Variants in GNG2 observed in about 807,000 individuals in gnomAD.
GNG2 encodes guanine nucleotide-binding protein G(I)/G(S)/G(O) subunit gamma-2.
A neutral mutation model predicts 5.5 loss-of-function variants in GNG2; 5 were observed. The ratio of observed to expected loss-of-function variants is 0.91; its 90% CI spans 0.48 to 1.92. The LOEUF is 1.92. GNG2 is among the 30% of genes most tolerant of loss of function. The probability of loss-of-function intolerance (pLI) is 0.01; values close to 1 mark genes in which losing one functional copy is unlikely to be tolerated. For missense variants in GNG2, 55 were observed against 88.4 expected (o/e 0.62, Z 1.52); for synonymous variants, 28 against 32.0 (o/e 0.88, Z 0.42).
chr14:51,859,719 T>G (rs1387235839), upstream of GNG2, among the ~76,000 whole-genome samples: 1 of 152,158 alleles, frequency 6.6e-6, no homozygotes, highest in East Asian at 1.9e-4. Flanking sequence ...AGAGACAGCT[T>G]GCAGGCTCTA....
At chr14:51,960,273 C>A (rs1259411846) in intron 3 of GNG2, among the ~76,000 whole-genome samples, 1 of 151,906 alleles carries the variant, frequency 6.6e-6, no homozygotes, top group Non-Finnish European at 1.5e-5. Flanking sequence ...GGCTAATCTG[C>A]TAATTTTATT....
At chr14:51,936,050 G>A (rs1440395031) in intron 2 of GNG2, among the ~76,000 whole-genome samples, 1 of 152,126 alleles carries the variant, frequency 6.6e-6, no homozygotes, top group Non-Finnish European at 1.5e-5. Context: ...CCATCCTGGA[G>A]AGTCCTTCCT....
At chr14:51,872,658 G>T (rs1432839681) in intron 1 of GNG2, among the ~76,000 whole-genome samples, 1 of 152,292 alleles carries the variant, frequency 6.6e-6, no homozygotes, top group Non-Finnish European at 1.5e-5. Context: ...CATGGCCTTT[G>T]CCTCCCATGA....
intron 2 of GNG2, among the ~76,000 whole-genome samples, chr14:51,887,674 T>A (rs375747599): frequency 8.3e-4 from 126 of 152,288 alleles, no homozygotes; most frequent in Admixed American, 1.6e-3. Flanking sequence ...GAGCTGGGGC[T>A]GTGGGGTTAA....
chr14:51,958,447 C>CA (rs1042604506), intron 3 of GNG2, among the ~76,000 whole-genome samples: 3 of 145,588 alleles, frequency 2.1e-5, no homozygotes, highest in East Asian at 4.4e-4. Flanking sequence ...GTTCCCCCCC[C>CA]CCATTTATAT....
intron 2 of GNG2, among the ~76,000 whole-genome samples, chr14:51,839,163 A>G (rs1056597656): frequency 2.0e-5 from 3 of 152,224 alleles, no homozygotes; most frequent in Non-Finnish European, 4.4e-5. Flanking sequence ...ACACAGCCTG[A>G]GAAGGCCCTG....
At chr14:51,893,792 T>C (rs1885010812) in intron 2 of GNG2, among the ~76,000 whole-genome samples, 1 of 152,140 alleles carries the variant, frequency 6.6e-6, no homozygotes, top group Admixed American at 6.5e-5. Context: ...GCTATAAATA[T>C]GTTCCTCCAA....
At chr14:51,887,019 C>G (rs1884505520) in intron 2 of GNG2, among the ~76,000 whole-genome samples, 2 of 152,288 alleles carry the variant, frequency 1.3e-5, no homozygotes, top group South Asian at 2.1e-4. Context: ...TTTAAACCAG[C>G]TTTCACATTT....
At chr14:51,908,877 C>A (rs1027311376) in intron 2 of GNG2, among the ~76,000 whole-genome samples, 1 of 151,746 alleles carries the variant, frequency 6.6e-6, no homozygotes, top group African/African-American at 2.4e-5. Context: ...CCGCACCCAG[C>A]CTAAAGACAA....
chr14:51,944,234 G>A (rs1888512721), intron 2 of GNG2, among the ~76,000 whole-genome samples: 1 of 152,082 alleles, frequency 6.6e-6, no homozygotes, highest in Admixed American at 6.5e-5. Flanking sequence ...CAATTGACAA[G>A]GTGGCTTAAA....
At chr14:51,873,093 T>C (rs1413950707) in intron 1 of GNG2, among the ~76,000 whole-genome samples, 2 of 152,236 alleles carry the variant, frequency 1.3e-5, no homozygotes, top group Non-Finnish European at 1.5e-5. Flanking sequence ...GAAGTTTAAA[T>C]TGATTAATCT....
intron 2 of GNG2, among the ~76,000 whole-genome samples, chr14:51,834,685 G>A (rs1881286111): frequency 6.6e-6 from 1 of 152,190 alleles, no homozygotes; most frequent in Admixed American, 6.5e-5. Flanking sequence ...CTTTCCATGA[G>A]TAAGAAGGAA....
chr14:51,900,878 G>A (rs1193979629), intron 2 of GNG2, among the ~76,000 whole-genome samples: 1 of 152,098 alleles, frequency 6.6e-6, no homozygotes, highest in Non-Finnish European at 1.5e-5. Flanking sequence ...GCTTTCATCA[G>A]CTGACTTTGG....
Position 51,969,208 on chromosome 14 carries a change from G to T in GNG2, c.*2521G>T, listed in dbSNP as rs556793799. The stretch of plus-strand genomic sequence containing the variant: ...CCTAGTTTCTACATATAATATATTC[G>T]ATAGAAATGAAAATCTGCCGTGGAA... On this transcript the variant is annotated 3_prime_UTR_variant, in exon 4 of 4. Transcript: ENST00000556766. 1.3e-5 allele frequency: 2 copies of T among 152,140 alleles called. No individual in the cohort carries two copies. The highest frequency in any genetic ancestry group is 4.8e-5 in the African/African-American group (2 of 41,514). 9.4% of individuals were successfully genotyped at this position (152,140 alleles called of 1,614,324 possible).
chr14:51,858,478 C>T (rs959374284), upstream of GNG2, among the ~76,000 whole-genome samples: 2 of 152,118 alleles, frequency 1.3e-5, no homozygotes, highest in African/African-American at 4.8e-5. Flanking sequence ...CCTATATAGG[C>T]TTAAGTATAA....
chr14:51,926,346 C>G (rs1887318006), intron 2 of GNG2, among the ~76,000 whole-genome samples: 1 of 152,200 alleles, frequency 6.6e-6, no homozygotes, highest in Non-Finnish European at 1.5e-5. Flanking sequence ...AATATTCCAT[C>G]TCTTCCCTTC....
At chr14:51,879,914 A>G (rs1883929646) in intron 2 of GNG2, among the ~76,000 whole-genome samples, 2 of 152,186 alleles carry the variant, frequency 1.3e-5, no homozygotes, top group Admixed American at 6.5e-5. Flanking sequence ...TATTCTGCCT[A>G]CTACAAAGTC....
intron 1 of GNG2, among the ~76,000 whole-genome samples, chr14:51,875,810 T>C (rs1883618194): frequency 6.6e-6 from 1 of 151,244 alleles, no homozygotes; most frequent in African/African-American, 2.4e-5. Context: ...ACAATGCATT[T>C]TACATTCTTT....
intron 2 of GNG2, among the ~76,000 whole-genome samples, chr14:51,851,526 G>C (rs1473935358): frequency 6.6e-6 from 1 of 152,194 alleles, no homozygotes; most frequent in Non-Finnish European, 1.5e-5. Flanking sequence ...AGTGCTTACT[G>C]TATATCAGGC....
Sources: allele counts gnomAD v4.1 joint callset (sites outside exome capture counted in the v4.1 genomes callset), GRCh38; gene constraint gnomAD v4.1.1; transcripts MANE v1.5; gene names NCBI Gene and HGNC (gene_info 2026-07-23, HGNC 2026-07-21).